The following TAF4 variants were observed in gnomAD, a reference collection of about 807,000 sequenced individuals.
TAF4 encodes the protein TATA-box binding protein associated factor 4.
In TAF4, 9 loss-of-function variants were observed where a neutral mutation model predicts 90.3. The observed-to-expected ratio is 0.10, with a 90% confidence interval of 0.06 to 0.17. TAF4 has a LOEUF of 0.17. Among genes scored for constraint, TAF4 ranks in the 10% least tolerant of loss-of-function variants. The probability of loss-of-function intolerance (pLI) is 1.00; values close to 1 mark genes in which losing one functional copy is unlikely to be tolerated. For missense variants in TAF4, 1,351 were observed against 1,370.7 expected (o/e 0.99, Z 0.23); for synonymous variants, 818 against 638.9 (o/e 1.28, Z -4.23).
At chr20:62,000,025 C>T (rs28382106) in intron 11 of TAF4, 99 bp downstream of exon 11, 7 of 1,511,944 alleles carry the variant, frequency 4.6e-6, no homozygotes, top group African/African-American at 2.8e-5. Flanking sequence ...GCACTTGGGA[C>T]CCACCGCCCT....
intron 2 of TAF4, 129 bp downstream of exon 2, chr20:62,014,418 G>A: frequency 4.0e-6 from 5 of 1,248,942 alleles, no homozygotes; most frequent in Non-Finnish European, 5.3e-6. Context: ...GATGGGACTG[G>A]GACGCCGCCC....
rs756059316 is a variant in TAF4, at chr20:62,000,538, A to AAAT, written c.2656+13_2656+14insATT. The AAAT allele has an allele frequency of 5.0e-6, 8 of 1,607,778 alleles. No homozygotes were observed. The highest frequency in any genetic ancestry group is 6.0e-6 in the Non-Finnish European group (7 of 1,175,230). On this transcript the variant is annotated intron_variant, in intron 10 of 14. Transcript: ENST00000252996. The stretch of plus-strand genomic sequence containing the variant: ...GCTGTTTAATAAGAACTCAGTCATT[A>AAAT]AACACCAACGTACCTATTTCTAATA...
chr20:61,977,232 C>T (rs576637832), intron 14 of TAF4, among the ~76,000 whole-genome samples: 16 of 142,650 alleles, frequency 1.1e-4, no homozygotes, highest in South Asian at 2.3e-4. Flanking sequence ...CACCGCCCAG[C>T]GGGGCGCGCA....
At chr20:61,977,422 T>G (rs1281214757) in intron 14 of TAF4, among the ~76,000 whole-genome samples, 1 of 152,156 alleles carries the variant, frequency 6.6e-6, no homozygotes, top group Admixed American at 6.5e-5. Flanking sequence ...GTTAAGATGC[T>G]GGAAGGAGCG....
intron 2 of TAF4, 80 bp downstream of exon 2, chr20:62,014,467 C>T: frequency 6.8e-7 from 1 of 1,468,762 alleles, no homozygotes; most frequent in Non-Finnish European, 9.0e-7. Context: ...GTGCCTGGCC[C>T]TTGCAGGTTT....
At chr20:62,051,505 C>T (rs1211728896) in intron 1 of TAF4, among the ~76,000 whole-genome samples, 6 of 152,154 alleles carry the variant, frequency 3.9e-5, no homozygotes, top group Non-Finnish European at 5.9e-5. Context: ...TTCGTCATCT[C>T]GGCCCTGCAG....
intron 1 of TAF4, among the ~76,000 whole-genome samples, chr20:62,049,853 G>A (rs750476672): frequency 6.6e-6 from 1 of 152,118 alleles, no homozygotes; most frequent in Admixed American, 6.5e-5. Flanking sequence ...CAGGTTTCAC[G>A]ACACCATCGT....
At chr20:61,999,622 A>G (rs1271065477) in intron 11 of TAF4, among the ~76,000 whole-genome samples, 2 of 152,176 alleles carry the variant, frequency 1.3e-5, no homozygotes, top group African/African-American at 2.4e-5. Flanking sequence ...AGTTCAGCCC[A>G]TGGCCCAGAG....
rs927344094 is a variant in TAF4, at chr20:62,006,293, C to T, written c.2223+217G>A. ...GGACGTGCCGGTGGTTCAAAGCCAACTCAACTATTTCATTTTACTGAGACA... is the reference window on the plus strand; with the variant it reads ...GGACGTGCCGGTGGTTCAAAGCCAATTCAACTATTTCATTTTACTGAGACA... On this transcript the variant is annotated intron_variant, in intron 7 of 14. Transcript: ENST00000252996. The surrounding 1 kb of genome is among the most constrained non-coding windows in gnomAD (Gnocchi z 7.0). 28 of 610,754 alleles carry T rather than the reference C, an allele frequency of 4.6e-5. No individual in the cohort carries two copies. Among genetic ancestry groups the T allele is most frequent in the Non-Finnish European group, 5.5e-5 (23 of 418,486 alleles). 37.8% of individuals were successfully genotyped at this position (610,754 alleles called of 1,614,324 possible). A position where few individuals can be genotyped will look rare whatever the true frequency, so the allele number is the denominator to read the frequency against.
At chr20:62,049,645 C>T (rs1354499216) in intron 1 of TAF4, among the ~76,000 whole-genome samples, 3 of 151,700 alleles carry the variant, frequency 2.0e-5, no homozygotes, top group African/African-American at 7.3e-5. Flanking sequence ...CCCAGCCCCG[C>T]ACCCTGCCCC....
rs748243301 is a variant in TAF4 at position 62,009,032 on chromosome 20, G to A, written c.1884+20C>T. On this transcript the variant is annotated intron_variant, in intron 5 of 14. Coordinates refer to ENST00000252996, the MANE Select transcript of TAF4 (RefSeq NM_003185.4). ...CAACAGGCTTTAGGGGAAAGGGAAT[G>A]TAAAGTCAAGGTTTCTCACCAGTAA... 4 of 1,607,898 alleles carry A rather than the reference G, an allele frequency of 2.5e-6. No homozygotes were observed. The highest frequency in any genetic ancestry group is 2.2e-5 in the South Asian group (2 of 89,414).
intron 1 of TAF4, among the ~76,000 whole-genome samples, chr20:62,022,587 C>T (rs532684665): frequency 5.9e-5 from 9 of 152,160 alleles, no homozygotes; most frequent in Non-Finnish European, 8.8e-5. Context: ...GTGGAAAGGG[C>T]CCCTCCAGAA....
chr20:62,024,912 A>C (rs2145487899), intron 1 of TAF4, among the ~76,000 whole-genome samples: 1 of 152,316 alleles, frequency 6.6e-6, no homozygotes, highest in Admixed American at 6.5e-5. Flanking sequence ...CCCTTCGCCA[A>C]AGGTGGCAGA....
chr20:62,053,269 G>C (rs2056040455), intron 1 of TAF4, among the ~76,000 whole-genome samples: 1 of 152,204 alleles, frequency 6.6e-6, no homozygotes, highest in Non-Finnish European at 1.5e-5. Context: ...GGCGAAGGGA[G>C]AGCCACGGCG....
At chr20:61,980,790 G>GGC (rs902763096) in intron 14 of TAF4, 2 of 152,254 alleles carry the variant, frequency 1.3e-5, no homozygotes, top group Non-Finnish European at 2.9e-5. Context: ...ACTGCAAGTC[G>GGC]GCGCAGAGTC....
rs981093676 is a variant in TAF4, at chr20:61,988,977, G to C, written c.3090+8573C>G. On this transcript the variant is annotated intron_variant, in intron 14 of 14. Coordinates refer to ENST00000252996, the MANE Select transcript of TAF4 (RefSeq NM_003185.4). Reference sequence around the variant, plus strand: ...CCTCCTGGCGCCGCGACCCCAGCAGGTAAAATGGTTGGGAAGCTGGTTACA... The same window carrying C: ...CCTCCTGGCGCCGCGACCCCAGCAGCTAAAATGGTTGGGAAGCTGGTTACA... Among the ~76,000 whole-genome samples, 4 of 152,134 alleles carry C rather than the reference G, an allele frequency of 2.6e-5. No homozygotes were observed. In the East Asian group the frequency reaches 7.7e-4, roughly 29 times the overall value.
chr20:62,039,376 C>T (rs1270487022), intron 1 of TAF4, among the ~76,000 whole-genome samples: 2 of 152,200 alleles, frequency 1.3e-5, no homozygotes, highest in African/African-American at 2.4e-5. Context: ...ATAAGGCTGG[C>T]ATGATTGGTA....
intron 1 of TAF4, among the ~76,000 whole-genome samples, chr20:62,042,399 G>T (rs550491725): frequency 1.4e-4 from 21 of 152,368 alleles, no homozygotes; most frequent in African/African-American, 4.8e-4. Context: ...CGTGTGACCT[G>T]ATTCTTCCTG....
In TAF4 at chr20:62,064,988, G is replaced by T. The variant is rs1442079457; in HGVS notation, c.823C>A (p.Pro275Thr). The stretch of plus-strand genomic sequence containing the variant: ...GGCCGGGCCAGAGTGGCGGGCGCGG[G>T]GGGTGGCGGGGGCGGGGCGGCGGCG... ...APAAAPPPPP[P>T]APATLARPPG... Residue 275 changes from proline to threonine, a missense_variant, in exon 1 of 15, where the codon CCC (proline) becomes ACC (threonine). Pro to Thr is a conservative substitution (Grantham distance 38). Around this residue, in one of 9 missense-constraint regions of TAF4, gnomAD observed 782 missense variants for 536.6 expected, o/e 1.46. Transcript: ENST00000252996. 3.7e-6 allele frequency: 1 copy of T among 268,616 alleles called. No homozygotes were observed. The highest frequency in any genetic ancestry group is 5.4e-6 in the Non-Finnish European group (1 of 184,868). The allele number at this position is 268,616 out of a possible 1,614,324, so 16.6% of individuals were successfully genotyped here. A position where few individuals can be genotyped will look rare whatever the true frequency, so the allele number is the denominator to read the frequency against.
Sources: gnomAD v4.1 joint callset for allele counts (sites outside exome capture counted in the v4.1 genomes callset) on GRCh38, gnomAD v4.1.1 for gene constraint, gnomAD v4.1.1 regional missense constraint, Gnocchi (gnomAD v3.1) non-coding constraint, MANE v1.5 for transcripts, NCBI Gene and HGNC (gene_info 2026-07-23, HGNC 2026-07-21) for gene names.